Variants in TULP4 observed in about 807,000 individuals in gnomAD.
TULP4 encodes tubby-related protein 4.
In TULP4, 16 loss-of-function variants were observed where a neutral mutation model predicts 129.0. The observed-to-expected ratio is 0.12, with a 90% CI of 0.08 to 0.19. TULP4 has a LOEUF of 0.19. TULP4 is among the 10% of genes least tolerant of loss of function. TULP4 has a pLI of 1.00. For synonymous variants in TULP4, 998 were observed against 854.0 expected, an observed-to-expected ratio of 1.17 and a Z score of -2.94; for missense variants, 1,842 against 2,059.1, an observed-to-expected ratio of 0.89 and a Z score of 2.04.
In TULP4 at chr6:158,502,415, G is replaced by C. The variant is rs760241779; in HGVS notation, c.2752G>C (p.Gly918Arg). ...LCSQNTYTLP[G>R]PGSSATLRLT... ...CTCCCAGAACACGTACACCCTCCCC[G>C]GCCCGGGTAGCTCTGCCACCTTGAG... is the stretch of plus-strand genomic sequence containing the variant. The change falls in exon 13 of 14, where the codon GGC becomes CGC. Residue 918 changes from glycine to arginine, a missense_variant. Physicochemically the swap from Gly to Arg is moderately radical, Grantham distance 125. Coordinates refer to ENST00000367097, the MANE Select transcript of TULP4 (RefSeq NM_020245.5). 2.5e-6 allele frequency: 4 copies of C among 1,613,260 alleles called. No homozygotes were observed. The highest frequency in any genetic ancestry group is 3.4e-6 in the Non-Finnish European group (4 of 1,179,842).
chr6:158,504,602 C>T (rs529023799), intron 13 of TULP4, among the ~76,000 whole-genome samples: 5 of 151,776 alleles, frequency 3.3e-5, no homozygotes, highest in East Asian at 1.9e-4. Context: ...GTGATCTGCC[C>T]GCCTTGGCCT....
At chr6:158,273,648 G>A (rs1778588424) in intron 1 of TULP4, among the ~76,000 whole-genome samples, 1 of 152,104 alleles carries the variant, frequency 6.6e-6, no homozygotes, top group Non-Finnish European at 1.5e-5. Flanking sequence ...CACCAATTGG[G>A]AATTATTCAT....
Position 158,481,097 on chromosome 6 carries a change from T to C in TULP4, c.1294T>C (p.Tyr432His). ...GAACAACATGAGAGACTTTGTCAGCTACCCATCAGCCGGCAACGAGCGGCT... is the reference window on the plus strand; with the variant it reads ...GAACAACATGAGAGACTTTGTCAGCCACCCATCAGCCGGCAACGAGCGGCT... ...DPNNMRDFVS[Y>H]PSAGNERLHC... is the part of the protein sequence containing the mutation. Residue 432 changes from tyrosine (Y) to histidine (H), a missense_variant, in exon 8 of 14, where the codon TAC becomes CAC. Transcript: ENST00000367097. 1 of 1,597,626 alleles carries C rather than the reference T, an allele frequency of 6.3e-7. No individual in the cohort carries two copies. Among genetic ancestry groups the C allele is most frequent in the Non-Finnish European group, 8.6e-7 (1 of 1,168,030 alleles).
At chr6:158,418,321 T>C (rs1254891048) in intron 2 of TULP4, among the ~76,000 whole-genome samples, 1 of 151,864 alleles carries the variant, frequency 6.6e-6, no homozygotes. Context: ...TTGCCCAGGC[T>C]GTTCTTGAAC....
At chr6:158,486,578 T>G (rs1780076313) in intron 8 of TULP4, among the ~76,000 whole-genome samples, 1 of 151,766 alleles carries the variant, frequency 6.6e-6, no homozygotes, top group South Asian at 2.1e-4. Context: ...AAAGAGCTCT[T>G]TCTTCATGCA....
intron 1 of TULP4, among the ~76,000 whole-genome samples, chr6:158,251,363 G>A (rs1778136128): frequency 6.6e-6 from 1 of 152,152 alleles, no homozygotes; most frequent in Non-Finnish European, 1.5e-5. Context: ...GTATTCATGT[G>A]TGGAACTTCA....
At chr6:158,275,360 A>G (rs1778626174) in intron 1 of TULP4, among the ~76,000 whole-genome samples, 1 of 152,192 alleles carries the variant, frequency 6.6e-6, no homozygotes. Flanking sequence ...CTGGCCAGGG[A>G]CATACAGGGA....
chr6:158,446,798 A>G (rs1427450968), intron 3 of TULP4, among the ~76,000 whole-genome samples: 1 of 152,178 alleles, frequency 6.6e-6, no homozygotes, highest in African/African-American at 2.4e-5. Context: ...CTGGGTCCTC[A>G]CATGGCCTTT....
rs536504339 is a variant in TULP4, at chr6:158,256,775, A to G, written n.68+24472A>G. On this transcript the variant is annotated intron_variant and non_coding_transcript_variant, in intron 1 of 1. Coordinates refer to the TULP4 transcript ENST00000620026. ...TTAGGACGTGATGTCGTCCCTCCCT[A>G]TGTTTATTAATTAGTGGAGTTGTAA... 5.9e-5 allele frequency among the ~76,000 whole-genome samples: 9 copies of G among 152,178 alleles called. No homozygotes were observed. The South Asian group carries it at 1.5e-3, about 25-fold the overall frequency.
rs1204968611 is a variant in TULP4, at chr6:158,413,038, G to T, written c.253-27G>T. On this transcript the variant is annotated intron_variant, in intron 1 of 13. Transcript: ENST00000367097. The surrounding 1 kb of genome is among the most constrained non-coding windows in gnomAD (Gnocchi z 4.9). The stretch of plus-strand genomic sequence containing the variant: ...CTGGCCCACAGATTTATTTCCTGTG[G>T]TAAATGTCTTCTTGGTGGTTTTCTA... The T allele has an allele frequency of 6.3e-7, 1 of 1,594,392 alleles. No individual in the cohort carries two copies. Among genetic ancestry groups the T allele is most frequent in the South Asian group, 1.1e-5 (1 of 89,498 alleles).
intron 11 of TULP4, among the ~76,000 whole-genome samples, chr6:158,495,825 A>G (rs1389348075): frequency 1.3e-5 from 2 of 151,470 alleles, no homozygotes; most frequent in Admixed American, 1.3e-4. Flanking sequence ...GGGCAACACG[A>G]GCGAAACTAC....
intron 2 of TULP4, among the ~76,000 whole-genome samples, chr6:158,429,248 C>G (rs1342209747): frequency 6.6e-6 from 1 of 152,234 alleles, no homozygotes; most frequent in African/African-American, 2.4e-5. Flanking sequence ...AAGTGATTCT[C>G]TCACCTCTGC....
Position 158,246,031 on chromosome 6 carries a change from T to G in TULP4, n.68+13728T>G, listed in dbSNP as rs902524803. ...TTTGCCTACCCCTTAGGGGTGTGTGTGTGTGTGTGTGTGTGTGTGTGTGTG... is the reference window on the plus strand; with the variant it reads ...TTTGCCTACCCCTTAGGGGTGTGTGGGTGTGTGTGTGTGTGTGTGTGTGTG... On this transcript the variant is annotated intron_variant and non_coding_transcript_variant, in intron 1 of 1. Coordinates refer to the TULP4 transcript ENST00000620026. Among the ~76,000 whole-genome samples the G allele has an allele frequency of 7.8e-5, 7 of 90,198 alleles. No individual in the cohort carries two copies. The South Asian group carries it at 1.6e-3, about 20-fold the overall frequency. The allele number at this position is 90,198 out of a possible 152,430, so 59.2% of individuals were successfully genotyped here.
At position 158,242,960 on chromosome 6, in the gene TULP4, G is replaced by T. The variant is rs1295044752; in HGVS notation, n.68+10657G>T. Among the ~76,000 whole-genome samples the T allele has an allele frequency of 2.6e-5, 4 of 152,150 alleles. No homozygotes were observed. In the East Asian group the frequency reaches 5.8e-4, roughly 22 times the overall value. On this transcript the variant is annotated intron_variant and non_coding_transcript_variant, in intron 1 of 1. Coordinates refer to the TULP4 transcript ENST00000620026. ...ACCACAACACCCGGCTAATTTTTTT[G>T]TTGTTTTTAGTAGAGACAGGGTTTC...
intron 1 of TULP4, among the ~76,000 whole-genome samples, chr6:158,381,192 C>G: frequency 6.9e-6 from 1 of 144,612 alleles, no homozygotes; most frequent in Non-Finnish European, 1.5e-5. Flanking sequence ...TGAGTTTTTT[C>G]TCTCAAAGTA....
At chr6:158,361,896 A>G (rs1047405366) in intron 1 of TULP4, among the ~76,000 whole-genome samples, 4 of 152,174 alleles carry the variant, frequency 2.6e-5, no homozygotes, top group African/African-American at 7.2e-5. Context: ...AGACGAGTCT[A>G]CCTACCACAT....
rs146981242 is a variant in TULP4, at chr6:158,502,820, C to G, written c.3157C>G (p.Leu1053Val). ...TGPSSQPGAS[L>V]AHTASASPLA... The stretch of plus-strand genomic sequence containing the variant: ...GCCCAGCTCACAGCCCGGAGCCTCC[C>G]TGGCCCATACCGCCAGCGCCTCCCC... Residue 1053 changes from leucine to valine, a missense_variant, in exon 13 of 14, where the codon CTG (leucine) becomes GTG (valine). Around this residue, in one of 5 missense-constraint regions of TULP4, gnomAD observed 1,089 missense variants for 987.1 expected, o/e 1.10. Transcript: ENST00000367097. 53 of 1,612,552 alleles carry G rather than the reference C, an allele frequency of 3.3e-5. No individual in the cohort carries two copies. The highest frequency in any genetic ancestry group is 4.4e-5 in the Non-Finnish European group (52 of 1,179,878).
At chr6:158,268,077 C>G (rs1778483871) in intron 1 of TULP4, among the ~76,000 whole-genome samples, 1 of 138,854 alleles carries the variant, frequency 7.2e-6, no homozygotes, top group South Asian at 2.2e-4. Context: ...CTCTTGTTGC[C>G]CAGGCTGGAT....
chr6:158,417,590 C>T (rs184823719), intron 2 of TULP4, among the ~76,000 whole-genome samples: 2 of 152,230 alleles, frequency 1.3e-5, no homozygotes, highest in African/African-American at 4.8e-5. Flanking sequence ...AGATCTTACC[C>T]GACTAAAAAG....
Sources: gnomAD v4.1 joint callset for allele counts (sites outside exome capture counted in the v4.1 genomes callset) on GRCh38, gnomAD v4.1.1 for gene constraint, gnomAD v4.1.1 regional missense constraint, Gnocchi (gnomAD v3.1) non-coding constraint, MANE v1.5 for transcripts, NCBI Gene and HGNC (gene_info 2026-07-23, HGNC 2026-07-21) for gene names.